Variants in RABGAP1L observed in about 807,000 individuals in gnomAD.
RABGAP1L encodes RAB GTPase activating protein 1 like.
A neutral mutation model predicts 137.7 loss-of-function variants in RABGAP1L; 63 were observed. The ratio of observed to expected loss-of-function variants is 0.46; its 90% confidence interval spans 0.37 to 0.56. The LOEUF is 0.56. Ranked by LOEUF, RABGAP1L falls within the 20% of genes least tolerant of loss-of-function variation. The pLI, the probability that RABGAP1L is intolerant of heterozygous loss-of-function variation, is 0.00. For synonymous variants in RABGAP1L, 431 were observed against 433.7 expected, an observed-to-expected ratio of 0.99 and a Z score of 0.08; for missense variants, 1,095 against 1,244.0, an observed-to-expected ratio of 0.88 and a Z score of 1.80.
intron 11 of RABGAP1L, among the ~76,000 whole-genome samples, chr1:174,347,695 C>G (rs545031319): frequency 6.6e-6 from 1 of 152,088 alleles, no homozygotes; most frequent in East Asian, 1.9e-4. Flanking sequence ...GCGGTTTCAC[C>G]GTGTTAGCCA....
intron 13 of RABGAP1L, among the ~76,000 whole-genome samples, chr1:174,626,372 C>T (rs746299737): frequency 7.7e-4 from 117 of 152,176 alleles, no homozygotes; most frequent in Non-Finnish European, 1.4e-3. Flanking sequence ...GGAATCCCAG[C>T]ACTTCCTTCA....
intron 18 of RABGAP1L, among the ~76,000 whole-genome samples, chr1:174,753,178 A>G (rs1172303138): frequency 6.6e-6 from 1 of 152,220 alleles, no homozygotes; most frequent in Non-Finnish European, 1.5e-5. Context: ...GGGATTGTTA[A>G]AAGAATTGAG....
chr1:174,792,649 A>C (rs943072333), intron 18 of RABGAP1L, among the ~76,000 whole-genome samples: 2 of 152,252 alleles, frequency 1.3e-5, no homozygotes, highest in Non-Finnish European at 2.9e-5. Context: ...AAGTACATCA[A>C]ATTATACATA....
At chr1:174,362,116 A>AT (rs1346520390) in intron 11 of RABGAP1L, among the ~76,000 whole-genome samples, 3 of 151,860 alleles carry the variant, frequency 2.0e-5, no homozygotes, top group South Asian at 2.1e-4. Context: ...ACATGATCTC[A>AT]TTTTTTTTAT....
At chr1:174,682,083 C>A (rs1678103297) in intron 14 of RABGAP1L, among the ~76,000 whole-genome samples, 1 of 152,032 alleles carries the variant, frequency 6.6e-6, no homozygotes, top group Admixed American at 6.6e-5. Context: ...CAGTTCAAGA[C>A]CAGCCTGGCC....
chr1:174,542,847 A>T (rs1000438569), intron 13 of RABGAP1L, among the ~76,000 whole-genome samples: 5 of 152,186 alleles, frequency 3.3e-5, no homozygotes, highest in African/African-American at 7.2e-5. Context: ...TCATTTCGTT[A>T]TGTACCTGGT....
chr1:174,666,338 TC>T (rs1676785630), intron 14 of RABGAP1L, among the ~76,000 whole-genome samples: 2 of 152,338 alleles, frequency 1.3e-5, no homozygotes, highest in East Asian at 3.9e-4. Flanking sequence ...AATATCAAGC[TC>T]CTGTTTAAGT....
intron 18 of RABGAP1L, among the ~76,000 whole-genome samples, chr1:174,790,533 C>T (rs112189962): frequency 0.014 from 2,082 of 151,438 alleles, 50 homozygotes; most frequent in African/African-American, 0.047. Flanking sequence ...ACTCAGTAGG[C>T]GGAGTCAGGA....
At chr1:174,286,102 C>T (rs1157142051) in intron 10 of RABGAP1L, among the ~76,000 whole-genome samples, 1 of 152,114 alleles carries the variant, frequency 6.6e-6, no homozygotes, top group Non-Finnish European at 1.5e-5. Context: ...AATGAGTTTG[C>T]AAGTATTTCC....
intron 13 of RABGAP1L, among the ~76,000 whole-genome samples, chr1:174,472,124 T>A (rs574142865): frequency 2.6e-5 from 4 of 152,232 alleles, no homozygotes; most frequent in Admixed American, 2.6e-4. Flanking sequence ...CTTCTAAAAC[T>A]GTGAGAAGTA....
intron 13 of RABGAP1L, among the ~76,000 whole-genome samples, chr1:174,610,032 GTT>G (rs141094186): frequency 2.9e-4 from 41 of 142,690 alleles, no homozygotes; most frequent in Admixed American, 2.5e-3. Flanking sequence ...TTTGGTATGC[GTT>G]TTTTTTTTCT....
intron 12 of RABGAP1L, among the ~76,000 whole-genome samples, chr1:174,382,522 C>A (rs1382128372): frequency 1.4e-4 from 7 of 51,668 alleles, no homozygotes; most frequent in African/African-American, 3.7e-4. Context: ...CTTCCCTTCT[C>A]GCTTCATTTC....
At chr1:174,974,531 G>A (rs1019055115) in intron 21 of RABGAP1L, among the ~76,000 whole-genome samples, 2 of 152,164 alleles carry the variant, frequency 1.3e-5, no homozygotes, top group Admixed American at 1.3e-4. Context: ...GACTTGCAGT[G>A]TTCATATTGC....
At chr1:174,672,281 C>CT (rs1256381168) in intron 14 of RABGAP1L, among the ~76,000 whole-genome samples, 1,694 of 118,336 alleles carry the variant, frequency 0.014, 35 homozygotes, top group African/African-American at 0.042. Context: ...TTTTTCCTTT[C>CT]TTTTTTTTTT....
chr1:174,912,933 G>T (rs930721404), intron 19 of RABGAP1L, among the ~76,000 whole-genome samples: 7 of 151,836 alleles, frequency 4.6e-5, no homozygotes, highest in African/African-American at 1.7e-4. Context: ...TTGGTTGTAA[G>T]TAGGGATATC....
intron 13 of RABGAP1L, among the ~76,000 whole-genome samples, chr1:174,544,417 T>C (rs148433223): frequency 0.011 from 1,615 of 152,288 alleles, 9 homozygotes; most frequent in Non-Finnish European, 0.016. Flanking sequence ...GTGCATCATG[T>C]AGTTCTCTTG....
chr1:174,881,675 T>G (rs974338202), intron 19 of RABGAP1L, among the ~76,000 whole-genome samples: 1 of 151,714 alleles, frequency 6.6e-6, no homozygotes, highest in African/African-American at 2.4e-5. Flanking sequence ...AATTTTTGTA[T>G]TTTTAGTGGA....
At chr1:174,371,296 TAGA>T (rs1378784451) in intron 12 of RABGAP1L, among the ~76,000 whole-genome samples, 4 of 152,094 alleles carry the variant, frequency 2.6e-5, no homozygotes, top group African/African-American at 9.6e-5. Context: ...AACTTGCTTT[TAGA>T]AGATGTCTTT....
At chr1:174,360,349 T>C (rs1424036552) in intron 11 of RABGAP1L, among the ~76,000 whole-genome samples, 2 of 152,208 alleles carry the variant, frequency 1.3e-5, no homozygotes, top group Non-Finnish European at 2.9e-5. Context: ...AAGTATTTAG[T>C]GCTTGCTATG....
Sources: allele counts gnomAD v4.1 joint callset (sites outside exome capture counted in the v4.1 genomes callset), GRCh38; gene constraint gnomAD v4.1.1; transcripts MANE v1.5; gene names NCBI Gene and HGNC (gene_info 2026-07-23, HGNC 2026-07-21).